RSF1: variants seen among roughly 807,000 people sequenced by gnomAD.
The protein encoded by RSF1 is HBV pX-associated protein 8.
In RSF1, 13 loss-of-function variants were observed where a neutral mutation model predicts 145.2. The ratio of observed to expected loss-of-function variants is 0.09; its 90% CI spans 0.06 to 0.14. The LOEUF is 0.14. RSF1 is among the 10% of genes least tolerant of loss of function. The probability of loss-of-function intolerance (pLI) is 1.00; values close to 1 mark genes in which losing one functional copy is unlikely to be tolerated. For missense variants in RSF1, 1,517 were observed against 1,718.2 expected (o/e 0.88, Z 2.07); for synonymous variants, 577 against 592.6 (o/e 0.97, Z 0.38).
At chr11:77,673,080 C>T (rs540745783) in intron 14 of RSF1, among the ~76,000 whole-genome samples, 113 of 152,316 alleles carry the variant, frequency 7.4e-4, no homozygotes, top group African/African-American at 2.0e-3. Flanking sequence ...TCTTGGTAGA[C>T]GGCTACCACA....
At chr11:77,872,225 G>A in the RSF1 span, 1 of 1,613,780 alleles carries the variant, frequency 6.2e-7, no homozygotes, top group Admixed American at 1.7e-5. Context: ...TTGATGTGCG[G>A]GTCCTCCAGA....
intron 1 of RSF1, among the ~76,000 whole-genome samples, chr11:77,817,691 TTGAGCCTTAGTTTCTA>T (rs1216333835): frequency 6.6e-6 from 1 of 152,218 alleles, no homozygotes; most frequent in Non-Finnish European, 1.5e-5. Flanking sequence ...CCTTAATCTA[TTGAGCCTTAGTTTCTA>T]TGCCTGCCAA....
chr11:77,692,259 T>TTTTTTG, intron 8 of RSF1, among the ~76,000 whole-genome samples: 2 of 83,608 alleles, frequency 2.4e-5, no homozygotes, highest in Non-Finnish European at 4.3e-5. Flanking sequence ...TTTTTTTTTT[T>TTTTTTG]TTTGAGACGG....
intron 1 of RSF1, among the ~76,000 whole-genome samples, chr11:77,818,631 T>C (rs553282832): frequency 3.3e-5 from 5 of 151,906 alleles, no homozygotes; most frequent in African/African-American, 1.2e-4. Flanking sequence ...ATACAAAAAT[T>C]AGCCGGGCTC....
At chr11:77,794,177 C>A (rs996526817) in intron 1 of RSF1, among the ~76,000 whole-genome samples, 1 of 152,126 alleles carries the variant, frequency 6.6e-6, no homozygotes, top group Non-Finnish European at 1.5e-5. Context: ...GGACTTTGCA[C>A]CAAATGGACC....
chr11:77,722,968 A>C (rs901362013), intron 5 of RSF1, among the ~76,000 whole-genome samples: 2 of 152,242 alleles, frequency 1.3e-5, no homozygotes, highest in Non-Finnish European at 2.9e-5. Context: ...ATTGCCTCTT[A>C]AATTTCTATT....
chr11:77,673,800 G>C (rs952842813), intron 14 of RSF1, among the ~76,000 whole-genome samples: 2 of 152,208 alleles, frequency 1.3e-5, no homozygotes, highest in Admixed American at 1.3e-4. Flanking sequence ...CACTATAAAT[G>C]CATAATCTGA....
chr11:77,768,764 C>G (rs1948252157), intron 1 of RSF1, among the ~76,000 whole-genome samples: 2 of 152,250 alleles, frequency 1.3e-5, no homozygotes, highest in South Asian at 4.2e-4. Flanking sequence ...TGATAAGAAA[C>G]AGGCTACAGG....
the RSF1 span, among the ~76,000 whole-genome samples, chr11:77,857,853 T>G: frequency 1.3e-5 from 2 of 152,032 alleles, no homozygotes; most frequent in Non-Finnish European, 2.9e-5. Context: ...CGCACCACCA[T>G]GCCCTGCTAA....
intron 4 of RSF1, among the ~76,000 whole-genome samples, chr11:77,726,871 C>T (rs544766043): frequency 1.3e-5 from 2 of 152,208 alleles, no homozygotes; most frequent in African/African-American, 4.8e-5. Context: ...TCCAAAGAGC[C>T]CCTGGACAAG....
the RSF1 span, among the ~76,000 whole-genome samples, chr11:77,834,441 GTTTTTTTTTTTTT>G: frequency 1.9e-5 from 2 of 105,548 alleles, no homozygotes; most frequent in African/African-American, 7.2e-5. Flanking sequence ...AGTTGATTTT[GTTTTTTTTTTTTT>G]TTTTTTTTGA....
chr11:77,801,028 TA>T (rs1565184948), intron 1 of RSF1, among the ~76,000 whole-genome samples: 7 of 151,848 alleles, frequency 4.6e-5, no homozygotes, highest in Admixed American at 3.9e-4. Flanking sequence ...AAAAAAGAAT[TA>T]ATTCCAATCC....
At chr11:77,677,219 T>C (rs1320777831) in intron 12 of RSF1, among the ~76,000 whole-genome samples, 1 of 152,214 alleles carries the variant, frequency 6.6e-6, no homozygotes, top group Non-Finnish European at 1.5e-5. Flanking sequence ...GTAGGGAACC[T>C]CGTTTTTTAA....
chr11:77,807,189 T>C (rs1331005568), intron 1 of RSF1, among the ~76,000 whole-genome samples: 1 of 152,200 alleles, frequency 6.6e-6, no homozygotes, highest in African/African-American at 2.4e-5. Flanking sequence ...AGGTTACAAT[T>C]TCCCATACAT....
At chr11:77,738,416 C>T (rs1961420074) in intron 4 of RSF1, among the ~76,000 whole-genome samples, 1 of 152,120 alleles carries the variant, frequency 6.6e-6, no homozygotes, top group Non-Finnish European at 1.5e-5. Flanking sequence ...AATTCTATAC[C>T]TAGCATTTAC....
At chr11:77,782,411 C>T (rs1213705337) in intron 1 of RSF1, among the ~76,000 whole-genome samples, 2 of 152,012 alleles carry the variant, frequency 1.3e-5, no homozygotes, top group African/African-American at 2.4e-5. Flanking sequence ...TGTGGTGGCG[C>T]GCACCTGTAG....
intron 4 of RSF1, among the ~76,000 whole-genome samples, chr11:77,731,641 A>G (rs1309851864): frequency 6.6e-6 from 1 of 152,236 alleles, no homozygotes; most frequent in Admixed American, 6.5e-5. Flanking sequence ...TGCTGTGTGC[A>G]GCCTAGGGAC....
At chr11:77,772,023 T>C (rs565994071) in intron 1 of RSF1, among the ~76,000 whole-genome samples, 6 of 152,356 alleles carry the variant, frequency 3.9e-5, no homozygotes, top group Admixed American at 3.3e-4. Context: ...CTGCTTTATG[T>C]GTCCTGTATG....
intron 8 of RSF1, 28 bp downstream of exon 8, chr11:77,693,479 C>T: frequency 7.1e-7 from 1 of 1,411,096 alleles, no homozygotes; most frequent in South Asian, 1.2e-5. Flanking sequence ...AACTCAAAGA[C>T]TAGAAAAACA....
Sources: allele counts gnomAD v4.1 joint callset (sites outside exome capture counted in the v4.1 genomes callset), GRCh38; gene constraint gnomAD v4.1.1; transcripts MANE v1.5; gene names NCBI Gene and HGNC (gene_info 2026-07-23, HGNC 2026-07-21).